The following HS3ST3A1 variants were observed in gnomAD, a reference collection of about 807,000 sequenced individuals.
HS3ST3A1 encodes the protein heparan sulfate glucosamine 3-O-sulfotransferase 3A1.
In HS3ST3A1, 19 loss-of-function variants were observed where a neutral mutation model predicts 25.7. The ratio of observed to expected loss-of-function variants is 0.74; its 90% CI spans 0.52 to 1.08. The LOEUF is 1.08. Among genes scored for constraint, HS3ST3A1 ranks in the 50% least tolerant of loss-of-function variants. The pLI, the probability that HS3ST3A1 is intolerant of heterozygous loss-of-function variation, is 0.00. For synonymous variants in HS3ST3A1, 226 were observed against 278.6 expected, an observed-to-expected ratio of 0.81 and a Z score of 1.88; for missense variants, 459 against 594.3, an observed-to-expected ratio of 0.77 and a Z score of 2.37.
chr17:13,519,496 C>T (rs1194230760), intron 1 of HS3ST3A1, among the ~76,000 whole-genome samples: 1 of 151,832 alleles, frequency 6.6e-6, no homozygotes, highest in African/African-American at 2.4e-5. Flanking sequence ...TAAAAGTACC[C>T]AAAGTTCTGT....
chr17:13,527,081 T>C (rs1289530044), intron 1 of HS3ST3A1, among the ~76,000 whole-genome samples: 1 of 152,174 alleles, frequency 6.6e-6, no homozygotes, highest in Non-Finnish European at 1.5e-5. Flanking sequence ...ACAACCTACC[T>C]GCTTTGCCTT....
At chr17:13,536,047 A>G (rs1168112063) in intron 1 of HS3ST3A1, among the ~76,000 whole-genome samples, 1 of 152,214 alleles carries the variant, frequency 6.6e-6, no homozygotes, top group Non-Finnish European at 1.5e-5. Flanking sequence ...ACAGAGTTCT[A>G]TTTCTCAGAA....
At chr17:13,574,024 G>A (rs985686464) in intron 1 of HS3ST3A1, among the ~76,000 whole-genome samples, 1 of 151,984 alleles carries the variant, frequency 6.6e-6, no homozygotes, top group African/African-American at 2.4e-5. Flanking sequence ...TAAATCAGTG[G>A]TATTCTGTTA....
chr17:13,594,741 G>A (rs748156558), intron 1 of HS3ST3A1, among the ~76,000 whole-genome samples: 3 of 151,152 alleles, frequency 2.0e-5, no homozygotes, highest in Non-Finnish European at 3.0e-5. Context: ...TAAATTCCCT[G>A]CCTAAAAGAA....
chr17:13,558,688 T>A (rs957792468), intron 1 of HS3ST3A1, among the ~76,000 whole-genome samples: 2 of 152,210 alleles, frequency 1.3e-5, no homozygotes, highest in African/African-American at 4.8e-5. Context: ...AAATCTGGCA[T>A]GTGAGAAGTT....
At chr17:13,509,221 C>A (rs1184847235) in intron 1 of HS3ST3A1, among the ~76,000 whole-genome samples, 1 of 152,076 alleles carries the variant, frequency 6.6e-6, no homozygotes, top group African/African-American at 2.4e-5. Context: ...GGAAAAAGAC[C>A]TTTATGCTCA....
intron 1 of HS3ST3A1, among the ~76,000 whole-genome samples, chr17:13,539,315 C>T (rs115658419): frequency 0.015 from 2,341 of 152,196 alleles, 33 homozygotes; most frequent in Middle Eastern, 0.044. Context: ...TCCATGATTC[C>T]GTATCTGGAT....
intron 1 of HS3ST3A1, among the ~76,000 whole-genome samples, chr17:13,580,646 A>G (rs964361359): frequency 1.3e-5 from 2 of 152,310 alleles, no homozygotes; most frequent in Admixed American, 6.5e-5. Flanking sequence ...TTATACTAAC[A>G]CTTTGGGAGG....
chr17:13,563,985 G>A (rs987561973), intron 1 of HS3ST3A1, among the ~76,000 whole-genome samples: 5 of 152,078 alleles, frequency 3.3e-5, no homozygotes, highest in African/African-American at 4.8e-5. Context: ...GCCAATCTAC[G>A]ATTGCACAAT....
At chr17:13,499,769 G>A (rs1206359518) in intron 1 of HS3ST3A1, among the ~76,000 whole-genome samples, 1 of 152,136 alleles carries the variant, frequency 6.6e-6, no homozygotes, top group Non-Finnish European at 1.5e-5. Context: ...CATAAGAGGA[G>A]TTTGAAGAGG....
intron 1 of HS3ST3A1, among the ~76,000 whole-genome samples, chr17:13,533,624 C>G: frequency 6.6e-6 from 1 of 151,880 alleles, no homozygotes; most frequent in Non-Finnish European, 1.5e-5. Flanking sequence ...CTGATTGCAT[C>G]ACGATAGAAA....
intron 1 of HS3ST3A1, among the ~76,000 whole-genome samples, chr17:13,522,589 C>G (rs572979446): frequency 6.6e-6 from 1 of 152,084 alleles, no homozygotes; most frequent in African/African-American, 2.4e-5. Flanking sequence ...CATCTCTGGG[C>G]TTATTATATA....
intron 1 of HS3ST3A1, among the ~76,000 whole-genome samples, chr17:13,542,378 T>C (rs1906961339): frequency 6.6e-6 from 1 of 150,430 alleles, no homozygotes. Flanking sequence ...AGTAGATCCC[T>C]GATCCAACAG....
At chr17:13,509,948 C>G (rs932247188) in intron 1 of HS3ST3A1, among the ~76,000 whole-genome samples, 1 of 152,198 alleles carries the variant, frequency 6.6e-6, no homozygotes, top group African/African-American at 2.4e-5. Context: ...GCTTGATTAT[C>G]TGAAAAACAA....
chr17:13,532,698 A>G (rs2142333618), intron 1 of HS3ST3A1, among the ~76,000 whole-genome samples: 1 of 152,246 alleles, frequency 6.6e-6, no homozygotes, highest in African/African-American at 2.4e-5. Context: ...CATTTTCCAT[A>G]GTCCTATCAG....
intron 1 of HS3ST3A1, among the ~76,000 whole-genome samples, chr17:13,555,337 G>T (rs1907344304): frequency 6.6e-6 from 1 of 152,144 alleles, no homozygotes; most frequent in African/African-American, 2.4e-5. Context: ...TTGTATAAAG[G>T]GGTGTCGCAT....
chr17:13,512,124 C>T (rs1040670026), intron 1 of HS3ST3A1, among the ~76,000 whole-genome samples: 2 of 151,798 alleles, frequency 1.3e-5, no homozygotes, highest in African/African-American at 2.4e-5. Context: ...AAGGTGAAAC[C>T]CCGTCTCTAC....
rs536075961 is a variant in HS3ST3A1, at chr17:13,513,340, G to C, written c.600-16522C>G. Among the ~76,000 whole-genome samples the C allele has an allele frequency of 3.3e-5, 5 of 152,296 alleles. No homozygotes were observed. The South Asian group carries it at 6.2e-4, about 19-fold the overall frequency. Reference sequence around the variant, plus strand: ...GGAAAACGAAACATGCTAGGCTCTGGGGGGAGCAGCCCATTTGGAAAATAG... The same window carrying C: ...GGAAAACGAAACATGCTAGGCTCTGCGGGGAGCAGCCCATTTGGAAAATAG... On this transcript the variant is annotated intron_variant, in intron 1 of 1. Coordinates refer to ENST00000284110, the MANE Select transcript of HS3ST3A1 (RefSeq NM_006042.3).
At chr17:13,589,069 G>T (rs1453209680) in intron 1 of HS3ST3A1, among the ~76,000 whole-genome samples, 1 of 152,160 alleles carries the variant, frequency 6.6e-6, no homozygotes, top group Non-Finnish European at 1.5e-5. Flanking sequence ...TTCACCACAC[G>T]TCACAGGCTG....
Sources: allele counts gnomAD v4.1 joint callset (sites outside exome capture counted in the v4.1 genomes callset), GRCh38; gene constraint gnomAD v4.1.1; transcripts MANE v1.5; gene names NCBI Gene and HGNC (gene_info 2026-07-23, HGNC 2026-07-21).